PLEKHG7: variants seen among roughly 807,000 people sequenced by gnomAD.
PLEKHG7 encodes the protein pleckstrin homology and RhoGEF domain containing G7.
In PLEKHG7, 77 loss-of-function variants were observed where a neutral mutation model predicts 85.2. That is an observed-to-expected ratio of 0.90 (90% CI 0.75 to 1.09). The LOEUF is 1.09. PLEKHG7 is among the 50% of genes least tolerant of loss of function. PLEKHG7 has a pLI of 0.00. For synonymous variants in PLEKHG7, 301 were observed against 302.4 expected, an observed-to-expected ratio of 1.00 and a Z score of 0.05; for missense variants, 777 against 804.3, an observed-to-expected ratio of 0.97 and a Z score of 0.41.
Position 92,728,357 on chromosome 12 carries a change from T to C in PLEKHG7, c.531-636T>C, listed in dbSNP as rs1375224393. On this transcript the variant is annotated intron_variant, in intron 3 of 16. Coordinates refer to ENST00000344636, the MANE Select transcript of PLEKHG7 (RefSeq NM_001377329.1). ...TCCATGGTGTATATATAAATATATATACACACCACATTCCATGGTGTATAT... is the reference window on the plus strand; with the variant it reads ...TCCATGGTGTATATATAAATATATACACACACCACATTCCATGGTGTATAT... 2.1e-3 allele frequency among the ~76,000 whole-genome samples: 30 copies of C among 13,958 alleles called. No homozygotes were observed. In the East Asian group the frequency reaches 0.067, roughly 31 times the overall value. The allele number at this position is 13,958 out of a possible 152,430, so 9.2% of individuals were successfully genotyped here.
At chr12:92,759,388 G>A (rs549341307) in intron 13 of PLEKHG7, among the ~76,000 whole-genome samples, 27 of 152,138 alleles carry the variant, frequency 1.8e-4, no homozygotes, top group South Asian at 6.2e-4. Context: ...TTGAGCTGAC[G>A]CATACATGAG....
chr12:92,748,527 C>T (rs183625756), intron 10 of PLEKHG7, among the ~76,000 whole-genome samples: 7 of 151,948 alleles, frequency 4.6e-5, no homozygotes, highest in Admixed American at 1.3e-4. Flanking sequence ...GGATTACAGA[C>T]GTGAGCCACC....
intron 3 of PLEKHG7, chr12:92,707,968 T>C: frequency 2.2e-6 from 1 of 452,614 alleles, no homozygotes; most frequent in Non-Finnish European, 3.9e-6. Flanking sequence ...GTAATAGGTT[T>C]TGTCTGGTAG....
At chr12:92,753,076 A>G (rs968294448) in intron 10 of PLEKHG7, among the ~76,000 whole-genome samples, 1 of 152,196 alleles carries the variant, frequency 6.6e-6, no homozygotes. Flanking sequence ...GTGCAAAAGT[A>G]ATTGCAGTTT....
rs1219250451 is a variant in PLEKHG7 at position 92,706,920 on chromosome 12, C to A, written c.289C>A (p.His97Asn). Residue 97 changes from histidine (H) to asparagine (N), a missense_variant, in exon 2 of 17, where the codon CAC becomes AAC. Coordinates refer to ENST00000344636, the MANE Select transcript of PLEKHG7 (RefSeq NM_001377329.1). Reference protein sequence around the residue: ...SLPGSPKDSSHLLSPLRLHSR... With the variant: ...SLPGSPKDSSNLLSPLRLHSR... ...GCCAGGAAGCCCAAAGGATTCTTCACACTTGCTGTCACCCTTGAGACTCCA... is the reference window on the plus strand; with the variant it reads ...GCCAGGAAGCCCAAAGGATTCTTCAAACTTGCTGTCACCCTTGAGACTCCA... 1.2e-6 allele frequency: 2 copies of A among 1,614,150 alleles called. No homozygotes were observed. The highest frequency in any genetic ancestry group is 3.3e-5 in the Admixed American group (2 of 60,026).
rs1233297707 is a variant in PLEKHG7 at position 92,734,076 on chromosome 12, A to G, written c.699+1803A>G. ...TGTTTTCAGCAATGAAGAGAAAGTCATTTCTAGAAGCTTCACTTTCACAAG... is the reference window on the plus strand; with the variant it reads ...TGTTTTCAGCAATGAAGAGAAAGTCGTTTCTAGAAGCTTCACTTTCACAAG... On this transcript the variant is annotated intron_variant, in intron 5 of 16. Coordinates refer to ENST00000344636, the MANE Select transcript of PLEKHG7 (RefSeq NM_001377329.1). Among the ~76,000 whole-genome samples the G allele has an allele frequency of 2.0e-5, 3 of 152,232 alleles. No homozygotes were observed. The East Asian group carries it at 5.8e-4, about 29-fold the overall frequency.
At chr12:92,758,819 G>C (rs1468719581) in intron 13 of PLEKHG7, among the ~76,000 whole-genome samples, 2 of 152,198 alleles carry the variant, frequency 1.3e-5, no homozygotes, top group East Asian at 3.8e-4. Flanking sequence ...TCAGAGTTGA[G>C]CATCGAGATT....
intron 3 of PLEKHG7, among the ~76,000 whole-genome samples, chr12:92,722,747 T>G (rs1243904154): frequency 6.6e-6 from 1 of 152,206 alleles, no homozygotes; most frequent in African/African-American, 2.4e-5. Flanking sequence ...ATACAATTAT[T>G]CATTTATGTT....
intron 3 of PLEKHG7, among the ~76,000 whole-genome samples, chr12:92,712,233 G>T (rs776591909): frequency 2.2e-4 from 34 of 152,308 alleles, no homozygotes; most frequent in East Asian, 7.7e-4. Flanking sequence ...AGCGATCAAG[G>T]TCTCTCCGAA....
At position 92,715,926 on chromosome 12, in the gene PLEKHG7, C is replaced by T. The variant is rs543878021; in HGVS notation, c.530+8254C>T. ...AAAGCCTAAAATGTTTACTATCTGT[C>T]TCTTTACAGAAAAGGTGTGCTGACC... On this transcript the variant is annotated intron_variant, in intron 3 of 16. Transcript: ENST00000344636. 2.0e-5 allele frequency among the ~76,000 whole-genome samples: 3 copies of T among 152,262 alleles called. No individual in the cohort carries two copies. In the South Asian group the frequency reaches 6.2e-4, roughly 32 times the overall value.
chr12:92,741,692 G>A lies in PLEKHG7; in HGVS notation c.1137+100G>A, dbSNP rs1233096345. 6.6e-6 allele frequency: 5 copies of A among 761,388 alleles called. No individual in the cohort carries two copies. The African/African-American group carries it at 8.9e-5, about 14-fold the overall frequency. 47.2% of individuals were successfully genotyped at this position (761,388 alleles called of 1,614,324 possible). On this transcript the variant is annotated intron_variant, in intron 9 of 16. Coordinates refer to ENST00000344636, the MANE Select transcript of PLEKHG7 (RefSeq NM_001377329.1). The stretch of plus-strand genomic sequence containing the variant: ...CTTGATTTTAATTCTCCCTGGGAAA[G>A]TTCTACCTCCACTCTCCTACAAAGG...
chr12:92,727,075 A>G (rs138371307), intron 3 of PLEKHG7, among the ~76,000 whole-genome samples: 77 of 152,268 alleles, frequency 5.1e-4, no homozygotes, highest in African/African-American at 1.8e-3. Flanking sequence ...AAAACCATAA[A>G]CAGCAAGTAA....
intron 10 of PLEKHG7, among the ~76,000 whole-genome samples, chr12:92,746,000 T>A (rs1872526026): frequency 6.6e-6 from 1 of 152,236 alleles, no homozygotes; most frequent in Non-Finnish European, 1.5e-5. Context: ...GTATTCTACA[T>A]GAATGCTGCC....
At chr12:92,718,509 T>C (rs1210609872) in intron 3 of PLEKHG7, among the ~76,000 whole-genome samples, 2 of 152,224 alleles carry the variant, frequency 1.3e-5, no homozygotes, top group Non-Finnish European at 2.9e-5. Context: ...AGGTGTCCAA[T>C]AAATGTTTAA....
At position 92,770,329 on chromosome 12, in the gene PLEKHG7, T is replaced by C. The variant is rs1434832246; in HGVS notation, c.*134T>C. 5.6e-6 allele frequency: 4 copies of C among 720,302 alleles called. No individual in the cohort carries two copies. In the East Asian group the frequency reaches 8.7e-5, roughly 16 times the overall value. 44.6% of individuals were successfully genotyped at this position (720,302 alleles called of 1,614,324 possible). On this transcript the variant is annotated 3_prime_UTR_variant, in exon 17 of 17. Coordinates refer to ENST00000344636, the MANE Select transcript of PLEKHG7 (RefSeq NM_001377329.1). ...TTTAAAGAAGTTTCAGAATTTGAAATTTTGAGCTAGGAAAATCCTCAGTAT... is the reference window on the plus strand; with the variant it reads ...TTTAAAGAAGTTTCAGAATTTGAAACTTTGAGCTAGGAAAATCCTCAGTAT...
chr12:92,754,059 A>AT (rs1415832324), intron 10 of PLEKHG7, 31 bp from the exon 11 acceptor site: 9 of 1,603,196 alleles, frequency 5.6e-6, no homozygotes, highest in South Asian at 5.5e-5. Context: ...AGAGGTGATC[A>AT]TTCTGATATG....
At chr12:92,743,752 G>A (rs1472496230) in intron 9 of PLEKHG7, among the ~76,000 whole-genome samples, 2 of 152,102 alleles carry the variant, frequency 1.3e-5, no homozygotes, top group Non-Finnish European at 2.9e-5. Flanking sequence ...TAGAAACGGG[G>A]TTTCATCATA....
chr12:92,761,678 GAAAGAAA>G, intron 13 of PLEKHG7, 67 bp from the exon 14 acceptor site: 1 of 1,270,516 alleles, frequency 7.9e-7, no homozygotes, highest in South Asian at 1.9e-5. Context: ...AAGAAAGAAA[GAAAGAAA>G]GGGAAAGAAA....
intron 9 of PLEKHG7, among the ~76,000 whole-genome samples, chr12:92,744,904 G>T (rs1872483541): frequency 6.6e-6 from 1 of 152,086 alleles, no homozygotes; most frequent in Non-Finnish European, 1.5e-5. Context: ...CTGAGCTCAG[G>T]CAATCCGCCT....
Sources: allele counts gnomAD v4.1 joint callset (sites outside exome capture counted in the v4.1 genomes callset), GRCh38; gene constraint gnomAD v4.1.1; transcripts MANE v1.5; gene names NCBI Gene and HGNC (gene_info 2026-07-23, HGNC 2026-07-21).